The following TAF2 variants were observed in gnomAD, a reference collection of about 807,000 sequenced individuals.
The protein encoded by TAF2 is transcription initiation factor TFIID subunit 2.
A neutral mutation model predicts 138.5 loss-of-function variants in TAF2; 61 were observed. The ratio of observed to expected loss-of-function variants is 0.44; its 90% CI spans 0.36 to 0.54. The LOEUF (loss-of-function observed/expected upper bound fraction) is 0.54, where lower values mean the gene tolerates loss of function less well. Among genes scored for constraint, TAF2 ranks in the 20% least tolerant of loss-of-function variants. The pLI is 0.00. For synonymous variants in TAF2, 475 were observed against 469.9 expected, an observed-to-expected ratio of 1.01 and a Z score of -0.14; for missense variants, 1,090 against 1,427.9, an observed-to-expected ratio of 0.76 and a Z score of 3.81.
intron 7 of TAF2, among the ~76,000 whole-genome samples, chr8:119,797,362 T>G (rs1364613562): frequency 6.6e-6 from 1 of 152,114 alleles, no homozygotes; most frequent in Non-Finnish European, 1.5e-5. Context: ...AAAAAATTCA[T>G]ACTAGTCATA....
At chr8:119,798,995 T>C (rs1824034583) in intron 6 of TAF2, among the ~76,000 whole-genome samples, 1 of 152,148 alleles carries the variant, frequency 6.6e-6, no homozygotes, top group Non-Finnish European at 1.5e-5. Flanking sequence ...AATTTACTGA[T>C]AATGCAGACA....
chr8:119,776,373 A>AC (rs1176272734), intron 18 of TAF2, among the ~76,000 whole-genome samples: 1 of 137,732 alleles, frequency 7.3e-6, no homozygotes, highest in Non-Finnish European at 1.6e-5. Flanking sequence ...TTACTGTTGT[A>AC]ACGTTTTATT....
At chr8:119,829,953 G>C (rs1826341510) in intron 2 of TAF2, among the ~76,000 whole-genome samples, 1 of 150,172 alleles carries the variant, frequency 6.7e-6, no homozygotes. Flanking sequence ...TCGCCTCCCA[G>C]GTTCGGCGCG....
intron 21 of TAF2, 100 bp downstream of exon 21, chr8:119,757,972 AT>A (rs1820811658): frequency 2.1e-6 from 2 of 969,180 alleles, no homozygotes; most frequent in Non-Finnish European, 3.3e-6. Context: ...ATATTCCCAT[AT>A]TTTCAAAAAT....
chr8:119,732,661 G>A (rs545144505), intron 25 of TAF2, among the ~76,000 whole-genome samples: 5 of 151,982 alleles, frequency 3.3e-5, no homozygotes, highest in African/African-American at 4.8e-5. Context: ...AAAATTAGCC[G>A]GGCATGGTGG....
chr8:119,733,462 C>A (rs1300574112), intron 25 of TAF2, among the ~76,000 whole-genome samples: 1 of 152,190 alleles, frequency 6.6e-6, no homozygotes, highest in Non-Finnish European at 1.5e-5. Context: ...TACTTCATCT[C>A]TCTGGGTCTA....
chr8:119,738,266 A>C (rs1258945727), intron 25 of TAF2, among the ~76,000 whole-genome samples: 2 of 152,132 alleles, frequency 1.3e-5, no homozygotes, highest in East Asian at 1.9e-4. Flanking sequence ...ATTTCCTTAT[A>C]ATCAGATTTG....
At chr8:119,789,205 CCACT>C (rs1175711185) in intron 12 of TAF2, among the ~76,000 whole-genome samples, 1 of 152,108 alleles carries the variant, frequency 6.6e-6, no homozygotes, top group Non-Finnish European at 1.5e-5. Flanking sequence ...TTCCAAGATA[CCACT>C]CAAATTGCGC....
chr8:119,751,301 C>G (rs74457554), intron 22 of TAF2, among the ~76,000 whole-genome samples: 2 of 152,160 alleles, frequency 1.3e-5, no homozygotes, highest in Admixed American at 1.3e-4. Flanking sequence ...CAACACCTGT[C>G]CCTCATTGCC....
At chr8:119,752,336 G>A (rs569446651) in intron 22 of TAF2, among the ~76,000 whole-genome samples, 1 of 152,220 alleles carries the variant, frequency 6.6e-6, no homozygotes, top group East Asian at 1.9e-4. Flanking sequence ...AGCAAAAACT[G>A]TTGGAAAGAT....
At chr8:119,807,079 T>G (rs1277330887) in intron 3 of TAF2, among the ~76,000 whole-genome samples, 1 of 152,192 alleles carries the variant, frequency 6.6e-6, no homozygotes, top group Admixed American at 6.5e-5. Context: ...ATTGAATGGA[T>G]TCAACAAGCT....
At chr8:119,740,598 G>C (rs939578026) in intron 25 of TAF2, among the ~76,000 whole-genome samples, 2 of 147,220 alleles carry the variant, frequency 1.4e-5, no homozygotes, top group Non-Finnish European at 3.0e-5. Context: ...CCAGGAGGTG[G>C]AGGTTGCAGT....
chr8:119,779,550 A>G (rs1822498842), intron 17 of TAF2, among the ~76,000 whole-genome samples: 1 of 152,176 alleles, frequency 6.6e-6, no homozygotes, highest in South Asian at 2.1e-4. Context: ...AATACAGAGC[A>G]GTTCTTAAAA....
intron 18 of TAF2, among the ~76,000 whole-genome samples, chr8:119,763,389 C>T (rs1821196349): frequency 6.6e-6 from 1 of 152,216 alleles, no homozygotes; most frequent in Non-Finnish European, 1.5e-5. Context: ...GGGTAAATCT[C>T]TTAACTTTTA....
rs376981316 is a variant in TAF2, at chr8:119,785,176, C to T, written c.1859+25G>A. The T allele has an allele frequency of 1.1e-5, 17 of 1,579,596 alleles. No individual in the cohort carries two copies. In the African/African-American group the frequency reaches 2.0e-4, roughly 19 times the overall value. On this transcript the variant is annotated intron_variant, in intron 15 of 25. Transcript: ENST00000378164. The stretch of plus-strand genomic sequence containing the variant: ...ATGAGAATGCAGAAAGTATTATAAC[C>T]TTATATTTAAGTTAACTAACTTACT...
chr8:119,820,000 G>A lies in TAF2; in HGVS notation c.139-494C>T, dbSNP rs1825719275. Among the ~76,000 whole-genome samples, 3 of 152,202 alleles carry A rather than the reference G, an allele frequency of 2.0e-5. No homozygotes were observed. In the South Asian group the frequency reaches 6.2e-4, roughly 32 times the overall value. On this transcript the variant is annotated intron_variant, in intron 2 of 25. Coordinates refer to ENST00000378164, the MANE Select transcript of TAF2 (RefSeq NM_003184.4). ...AGCAAGAGCTACAAAAGATACCAAG[G>A]CAAGTAGGAAAAATCTGCTGCCATA...
At chr8:119,755,057 C>T (rs2131036353) in intron 22 of TAF2, among the ~76,000 whole-genome samples, 1 of 152,304 alleles carries the variant, frequency 6.6e-6, no homozygotes, top group Admixed American at 6.5e-5. Flanking sequence ...TAGTAGGTAT[C>T]ATTATCACCT....
chr8:119,736,617 T>C (rs1275326721), intron 25 of TAF2, among the ~76,000 whole-genome samples: 1 of 152,198 alleles, frequency 6.6e-6, no homozygotes, highest in African/African-American at 2.4e-5. Context: ...TACCACTGGG[T>C]AATAGTAAAT....
At chr8:119,795,493 TA>T (rs780070071) in intron 9 of TAF2, 38 bp downstream of exon 9, 12 of 1,520,850 alleles carry the variant, frequency 7.9e-6, no homozygotes, top group Non-Finnish European at 1.1e-5. Flanking sequence ...ATGGAGGACA[TA>T]AGACTTGTAA....
Sources: gnomAD v4.1 joint callset for allele counts (sites outside exome capture counted in the v4.1 genomes callset) on GRCh38, gnomAD v4.1.1 for gene constraint, MANE v1.5 for transcripts, NCBI Gene and HGNC (gene_info 2026-07-23, HGNC 2026-07-21) for gene names.